Variants in DOCK8 observed in about 807,000 individuals in gnomAD.
DOCK8 encodes dedicator of cytokinesis 8.
A neutral mutation model predicts 245.6 loss-of-function variants in DOCK8; 141 were observed. That is an observed-to-expected ratio of 0.57 (90% confidence interval 0.50 to 0.66). DOCK8 has a LOEUF of 0.66. Ranked by LOEUF, DOCK8 falls within the 30% of genes least tolerant of loss-of-function variation. DOCK8 has a pLI of 0.00. For missense variants in DOCK8, 2,965 were observed against 2,603.4 expected (o/e 1.14, Z -3.02); for synonymous variants, 1,168 against 970.2 (o/e 1.20, Z -3.79).
intron 26 of DOCK8, among the ~76,000 whole-genome samples, chr9:400,506 T>C (rs866876238): frequency 2.2e-3 from 21 of 9,722 alleles, no homozygotes; most frequent in East Asian, 5.1e-3. Context: ...ACCTCCACCA[T>C]CACCACCACC....
intron 33 of DOCK8, among the ~76,000 whole-genome samples, chr9:425,291 G>A (rs966311028): frequency 1.3e-5 from 2 of 152,124 alleles, no homozygotes; most frequent in East Asian, 1.9e-4. Context: ...CCAGCACTTT[G>A]GGAGGCCGAG....
intron 14 of DOCK8, among the ~76,000 whole-genome samples, chr9:351,063 T>A (rs2052143628): frequency 6.6e-6 from 1 of 152,280 alleles, no homozygotes; most frequent in South Asian, 2.1e-4. Flanking sequence ...AGGAGCTGGG[T>A]GGTGGCACCA....
chr9:300,107 C>T (rs904395663), intron 4 of DOCK8, among the ~76,000 whole-genome samples: 2 of 151,724 alleles, frequency 1.3e-5, no homozygotes, highest in Non-Finnish European at 2.9e-5. Context: ...TAGGCTAATT[C>T]TTGTTTTTTG....
intron 14 of DOCK8, among the ~76,000 whole-genome samples, chr9:363,791 G>A (rs1210297766): frequency 2.0e-5 from 3 of 152,144 alleles, no homozygotes; most frequent in African/African-American, 7.2e-5. Context: ...ATACAGGGGT[G>A]AGCAACCCCT....
At chr9:251,806 G>A (rs978539669) in intron 1 of DOCK8, among the ~76,000 whole-genome samples, 1 of 152,146 alleles carries the variant, frequency 6.6e-6, no homozygotes, top group South Asian at 2.1e-4. Flanking sequence ...GTTAATTGCA[G>A]TAATAGTAGT....
intron 33 of DOCK8, among the ~76,000 whole-genome samples, chr9:423,416 C>G (rs1333348621): frequency 6.6e-6 from 1 of 152,070 alleles, no homozygotes; most frequent in African/African-American, 2.4e-5. Flanking sequence ...CTAAAATCAC[C>G]CCTCACACAC....
chr9:458,866 C>T (rs2057722094), intron 46 of DOCK8, among the ~76,000 whole-genome samples: 1 of 152,106 alleles, frequency 6.6e-6, no homozygotes, highest in South Asian at 2.1e-4. Context: ...CATGACTACT[C>T]TCTCTGTAGG....
chr9:340,355 C>T, intron 14 of DOCK8, 34 bp downstream of exon 14: 4 of 1,613,022 alleles, frequency 2.5e-6, no homozygotes, highest in Non-Finnish European at 3.4e-6. Flanking sequence ...GGCGTGGTGG[C>T]TTACACCATA....
intron 1 of DOCK8, among the ~76,000 whole-genome samples, chr9:222,691 C>G (rs1405183387): frequency 1.3e-5 from 2 of 152,220 alleles, no homozygotes; most frequent in African/African-American, 4.8e-5. Context: ...CTTTGCCTTA[C>G]ATGCAACCAT....
At chr9:414,400 C>G (rs2055890302) in intron 28 of DOCK8, among the ~76,000 whole-genome samples, 1 of 151,940 alleles carries the variant, frequency 6.6e-6, no homozygotes, top group African/African-American at 2.4e-5. Flanking sequence ...TGCTAAACAG[C>G]AGACCCAGGG....
At chr9:343,380 C>T (rs893240793) in intron 14 of DOCK8, among the ~76,000 whole-genome samples, 1 of 151,880 alleles carries the variant, frequency 6.6e-6, no homozygotes, top group Non-Finnish European at 1.5e-5. Flanking sequence ...CCCTGTAGTT[C>T]TAGCTACCCA....
At chr9:305,412 A>G (rs2130606327) in intron 5 of DOCK8, among the ~76,000 whole-genome samples, 1 of 148,444 alleles carries the variant, frequency 6.7e-6, no homozygotes, top group East Asian at 2.0e-4. Flanking sequence ...CCTCCCAGGT[A>G]GCTGGGACTA....
intron 1 of DOCK8, among the ~76,000 whole-genome samples, chr9:228,874 T>C (rs2131365100): frequency 6.6e-6 from 1 of 152,262 alleles, no homozygotes; most frequent in Admixed American, 6.5e-5. Flanking sequence ...AGCTGTAGGG[T>C]CTAAGATGGG....
Position 414,959 on chromosome 9 carries a change from C to T in DOCK8, c.3700+8C>T, listed in dbSNP as rs1332790226. 16 of 1,612,826 alleles carry T rather than the reference C, an allele frequency of 9.9e-6. No homozygotes were observed. Among genetic ancestry groups the T allele is most frequent in the Non-Finnish European group, 1.3e-5 (15 of 1,179,970 alleles). On this transcript the variant is annotated splice_region_variant and intron_variant, in intron 29 of 47. Transcript: ENST00000432829. ...AGCTCTGTGACTTTACAGGTAATGGCCCTTCTGTTTTCTTTCTTGGATTGT... is the reference window on the plus strand; with the variant it reads ...AGCTCTGTGACTTTACAGGTAATGGTCCTTCTGTTTTCTTTCTTGGATTGT...
At chr9:268,591 G>C (rs1454884224) in intron 1 of DOCK8, among the ~76,000 whole-genome samples, 3 of 152,144 alleles carry the variant, frequency 2.0e-5, no homozygotes, top group African/African-American at 4.8e-5. Context: ...ATTTCAGATA[G>C]ACCACTCTGG....
chr9:432,091 C>A, intron 36 of DOCK8, 75 bp from the exon 37 acceptor site: 1 of 1,504,808 alleles, frequency 6.6e-7, no homozygotes, highest in South Asian at 1.2e-5. Flanking sequence ...TTGTGTCTGG[C>A]CATGCTGCTT....
upstream of DOCK8, chr9:214,491 C>G: frequency 6.2e-7 from 1 of 1,609,342 alleles, no homozygotes; most frequent in South Asian, 1.1e-5. Flanking sequence ...TGGTGTCAAC[C>G]CTTAATAACA....
In DOCK8 at chr9:312,065, C is replaced by T. The variant is rs150446322; in HGVS notation, c.640C>T (p.Leu214=). ...LQPDKRLENL[L]QQVSAEDFEK... ...GCCTGACAAGCGGCTAGAAAACCTC[C>T]TGCAGCAAGTGAGTGCCGAGGACTT... The change falls in exon 6 of 48, where the codon CTG becomes TTG. Residue 214 remains leucine (L), a synonymous_variant. Transcript: ENST00000432829. The T allele has an allele frequency of 2.6e-4, 414 of 1,614,220 alleles. No individual in the cohort carries two copies. The African/African-American group carries it at 5.1e-3, about 20-fold the overall frequency.
At chr9:451,859 A>G in intron 45 of DOCK8, 152 bp from the exon 46 acceptor site, 1 of 247,474 alleles carries the variant, frequency 4.0e-6, no homozygotes, top group Non-Finnish European at 7.0e-6. Flanking sequence ...ATATATTCAT[A>G]TATATGTGTG....
Sources: gnomAD v4.1 joint callset for allele counts (sites outside exome capture counted in the v4.1 genomes callset) on GRCh38, gnomAD v4.1.1 for gene constraint, MANE v1.5 for transcripts, NCBI Gene and HGNC (gene_info 2026-07-23, HGNC 2026-07-21) for gene names.